The following CCT5 variants were observed in gnomAD, a reference collection of about 807,000 sequenced individuals.
The protein encoded by CCT5 is chaperonin containing TCP1 subunit 5, also known as T-complex protein 1 subunit epsilon.
Under a neutral mutation model 55.0 loss-of-function variants are expected in CCT5, and 6 were observed. The ratio of observed to expected loss-of-function variants is 0.11; its 90% CI spans 0.06 to 0.22. The LOEUF (loss-of-function observed/expected upper bound fraction) is 0.22, where lower values mean the gene tolerates loss of function less well. Among genes scored for constraint, CCT5 ranks in the 10% least tolerant of loss-of-function variants. CCT5 has a pLI of 1.00. For missense variants in CCT5, 560 were observed against 694.6 expected, an observed-to-expected ratio of 0.81 and a Z score of 2.18; for synonymous variants, 231 against 243.7, an observed-to-expected ratio of 0.95 and a Z score of 0.49.
Position 10,262,589 on chromosome 5 carries a change from G to T in CCT5, c.1288G>T (p.Ala430Ser). 1 of 1,614,256 alleles carries T rather than the reference G, an allele frequency of 6.2e-7. No individual in the cohort carries two copies. Among genetic ancestry groups the T allele is most frequent in the South Asian group, 1.1e-5 (1 of 91,090 alleles). Residue 430 changes from alanine (A) to serine (S), a missense_variant, in exon 9 of 11, where the codon GCC (alanine) becomes TCC (serine). Around this residue, in one of 4 missense-constraint regions of CCT5, gnomAD observed 256 missense variants for 372.4 expected, o/e 0.69. Transcript: ENST00000280326. ...YGGGAAEISC[A>S]LAVSQEADKC... ...AGGAGGGGCTGCTGAGATATCCTGT[G>T]CCCTGGCAGTTAGCCAAGAGGCGGA...
intron 9 of CCT5, among the ~76,000 whole-genome samples, 177 bp from the exon 10 acceptor site, chr5:10,262,957 G>A (rs1746039055): frequency 6.6e-6 from 1 of 152,168 alleles, no homozygotes; most frequent in Non-Finnish European, 1.5e-5. Context: ...TATACCCTCT[G>A]CCTGTATTCT....
At position 10,254,167 on chromosome 5, in the gene CCT5, C is replaced by A; in HGVS notation, c.128C>A (p.Ala43Asp). Residue 43 changes from alanine (A) to aspartate (D), a missense_variant, in exon 2 of 11, where the codon GCT becomes GAT. Physicochemically the swap from Ala to Asp is moderately radical, Grantham distance 126. Transcript: ENST00000280326. ...ALKSHIMAAK[A>D]VANTMRTSLG... ...TAGTCTCATATAATGGCAGCAAAGG[C>A]TGTAGCAAATACAATGAGAACATCA... 1 of 1,610,034 alleles carries A rather than the reference C, an allele frequency of 6.2e-7. No individual in the cohort carries two copies. Among genetic ancestry groups the A allele is most frequent in the Non-Finnish European group, 8.5e-7 (1 of 1,176,404 alleles).
rs1356504809 is a variant in CCT5, at chr5:10,265,800, T to C, written c.*1017T>C. Reference sequence around the variant, plus strand: ...TCTGTTATTTGCTTGTTAATGATTCTCTAGATTTTCTAAAATAATGTTTCT... The same window carrying C: ...TCTGTTATTTGCTTGTTAATGATTCCCTAGATTTTCTAAAATAATGTTTCT... On this transcript the variant is annotated 3_prime_UTR_variant, in exon 11 of 11. Transcript: ENST00000280326. 1 of 152,072 alleles carries C rather than the reference T, an allele frequency of 6.6e-6. No individual in the cohort carries two copies. Among genetic ancestry groups the C allele is most frequent in the Non-Finnish European group, 1.5e-5 (1 of 68,024 alleles). The allele number at this position is 152,072 out of a possible 1,614,324, so 9.4% of individuals were successfully genotyped here. A position where few individuals can be genotyped will look rare whatever the true frequency, so the allele number is the denominator to read the frequency against.
intron 2 of CCT5, 22 bp from the exon 3 acceptor site, chr5:10,254,652 C>T (rs1561045294): frequency 1.2e-6 from 2 of 1,613,024 alleles, no homozygotes; most frequent in South Asian, 2.2e-5. Flanking sequence ...TTGCGCAAAG[C>T]CTACTAAACG....
intron 8 of CCT5, 84 bp downstream of exon 8, chr5:10,261,829 C>G (rs1329366854): frequency 3.9e-6 from 4 of 1,019,538 alleles, no homozygotes; most frequent in African/African-American, 3.1e-5. Flanking sequence ...TTAACAGAGA[C>G]ACAGTCACCA....
upstream of CCT5, chr5:10,250,038 T>C (rs897318290): frequency 5.2e-6 from 8 of 1,530,624 alleles, no homozygotes; most frequent in East Asian, 2.0e-4. Context: ...ATCGAGAAAC[T>C]ATCAGTGGTA....
Position 10,265,219 on chromosome 5 carries a change from T to C in CCT5, c.*436T>C, listed in dbSNP as rs1301166559. ...CTTCCTATCTAAATGGGTGGGCCAT[T>C]TGATTGTAGAGGGTCCACCACAGAA... On this transcript the variant is annotated 3_prime_UTR_variant, in exon 11 of 11. Coordinates refer to ENST00000280326, the MANE Select transcript of CCT5 (RefSeq NM_012073.5). 5.0e-6 allele frequency: 1 copy of C among 200,410 alleles called. No homozygotes were observed. Among genetic ancestry groups the C allele is most frequent in the Non-Finnish European group, 1.0e-5 (1 of 97,810 alleles). 12.4% of individuals were successfully genotyped at this position (200,410 alleles called of 1,614,324 possible).
intron 4 of CCT5, among the ~76,000 whole-genome samples, chr5:10,257,607 C>G (rs1745746970): frequency 6.6e-6 from 1 of 152,220 alleles, no homozygotes; most frequent in African/African-American, 2.4e-5. Context: ...GTAACACCCT[C>G]CATCTATAAT....
chr5:10,260,702 A>G, intron 6 of CCT5, 90 bp from the exon 7 acceptor site: 8 of 1,426,792 alleles, frequency 5.6e-6, no homozygotes, highest in Non-Finnish European at 6.9e-6. Flanking sequence ...CCTGCCTTAC[A>G]CCCAACTGTG....
chr5:10,258,323 AGCTTCGCAC>A lies in CCT5; in HGVS notation c.723+21_723+29del, dbSNP rs1561048316. 1 of 1,614,076 alleles carries A rather than the reference AGCTTCGCAC, an allele frequency of 6.2e-7. No individual in the cohort carries two copies. Among genetic ancestry groups the A allele is most frequent in the Non-Finnish European group, 8.5e-7 (1 of 1,179,976 alleles). The stretch of plus-strand genomic sequence containing the variant: ...CCAAAAGTGAGCCATTGCATCTCAC[AGCTTCGCAC>A]TGTTGGTTAACTCTTAATTCCACCA... On this transcript the variant is annotated intron_variant, in intron 5 of 10. Transcript: ENST00000280326.
chr5:10,260,375 G>A (rs1745899798), intron 6 of CCT5, among the ~76,000 whole-genome samples: 1 of 152,236 alleles, frequency 6.6e-6, no homozygotes, highest in Non-Finnish European at 1.5e-5. Context: ...AGACAGTCAA[G>A]TTGCAAGTGG....
rs200754527 is a variant in CCT5 at position 10,263,085 on chromosome 5, G to A, written c.1318-49G>A. ...AGTTGTGTTTTCACGGTGCCGCTGG[G>A]TTGTTTTGTTTCGCCAAGTGCACTC... is the stretch of plus-strand genomic sequence containing the variant. On this transcript the variant is annotated intron_variant, in intron 9 of 10. Coordinates refer to ENST00000280326, the MANE Select transcript of CCT5 (RefSeq NM_012073.5). 1.3e-3 allele frequency: 1,907 copies of A among 1,515,500 alleles called. 1 individual carries two copies. The highest frequency in any genetic ancestry group is 1.7e-3 in the Non-Finnish European group (1,861 of 1,090,654). 93.9% of individuals were successfully genotyped at this position (1,515,500 alleles called of 1,614,324 possible).
chr5:10,264,534 G>A, intron 10 of CCT5, 122 bp from the exon 11 acceptor site: 1 of 751,200 alleles, frequency 1.3e-6, no homozygotes. Context: ...GTGGCTTCCT[G>A]CTTGGCTTCC....
chr5:10,264,536 T>C (rs1746129421), intron 10 of CCT5, 120 bp from the exon 11 acceptor site: 1 of 755,754 alleles, frequency 1.3e-6, no homozygotes, highest in African/African-American at 1.7e-5. Context: ...GGCTTCCTGC[T>C]TGGCTTCCAG....
Position 10,263,253 on chromosome 5 carries a change from C to G in CCT5, c.1437C>G (p.Ala479=), listed in dbSNP as rs1043008017. Residue 479 remains alanine (A), a synonymous_variant, in exon 10 of 11, where the codon GCC becomes GCG. Transcript: ENST00000280326. The part of the protein sequence containing the change: ...NPIQTMTEVR[A]RQVKEMNPAL... ...TCCAGACTATGACCGAAGTCCGAGC[C>G]AGACAGGTGAAGGAGATGAACCCTG... The G allele has an allele frequency of 3.7e-6, 6 of 1,614,150 alleles. No individual in the cohort carries two copies. Among genetic ancestry groups the G allele is most frequent in the Non-Finnish European group, 5.1e-6 (6 of 1,180,032 alleles).
Position 10,264,738 on chromosome 5 carries a change from T to A in CCT5, c.1581T>A (p.Ile527=). The A allele has an allele frequency of 1.2e-6, 2 of 1,613,676 alleles. No individual in the cohort carries two copies. The highest frequency in any genetic ancestry group is 1.7e-6 in the Non-Finnish European group (2 of 1,179,584). ...ISLATQMVRM[I]LKIDDIRKPG... ...TTGCAACACAAATGGTTAGAATGATTTTGAAGATTGATGACATTCGTAAGC... is the reference window on the plus strand; with the variant it reads ...TTGCAACACAAATGGTTAGAATGATATTGAAGATTGATGACATTCGTAAGC... The change falls in exon 11 of 11, where the codon ATT becomes ATA. Residue 527 remains isoleucine, a synonymous_variant. Coordinates refer to ENST00000280326, the MANE Select transcript of CCT5 (RefSeq NM_012073.5).
intron 1 of CCT5, among the ~76,000 whole-genome samples, chr5:10,253,806 C>T (rs1050974548): frequency 1.3e-5 from 2 of 152,168 alleles, no homozygotes; most frequent in Non-Finnish European, 1.5e-5. Context: ...TCAGGGAGGA[C>T]TGTGTTGCAC....
In CCT5 at chr5:10,263,248, C is replaced by T; in HGVS notation, c.1432C>T (p.Arg478Ter). ...TCCCATCCAGACTATGACCGAAGTCCGAGCCAGACAGGTGAAGGAGATGAA... is the reference window on the plus strand; with the variant it reads ...TCCCATCCAGACTATGACCGAAGTCTGAGCCAGACAGGTGAAGGAGATGAA... ...MNPIQTMTEV[R>*]ARQVKEMNPA... Residue 478 changes from arginine (R) to a stop codon, truncating the protein, a stop_gained, in exon 10 of 11, where the codon CGA becomes TGA. Transcript: ENST00000280326. LOFTEE classifies it high-confidence loss of function. The T allele has an allele frequency of 6.2e-7, 1 of 1,614,140 alleles. No homozygotes were observed. Among genetic ancestry groups the T allele is most frequent in the Non-Finnish European group, 8.5e-7 (1 of 1,180,032 alleles).
intron 7 of CCT5, 135 bp downstream of exon 7, chr5:10,261,046 A>G: frequency 3.4e-6 from 3 of 893,372 alleles, no homozygotes; most frequent in Admixed American, 1.7e-5. Context: ...GCTGGGAGAG[A>G]GGAAAGCGCT....
Sources: allele counts gnomAD v4.1 joint callset (sites outside exome capture counted in the v4.1 genomes callset), GRCh38; gene constraint gnomAD v4.1.1; regional missense constraint gnomAD v4.1.1; transcripts MANE v1.5; gene names NCBI Gene and HGNC (gene_info 2026-07-23, HGNC 2026-07-21).